CATSPERE: variants seen among roughly 807,000 people sequenced by gnomAD.
The protein encoded by CATSPERE is catsper channel auxiliary subunit epsilon.
CATSPERE carries 93 observed loss-of-function variants against 114.1 expected under a neutral mutation model. The ratio of observed to expected loss-of-function variants is 0.81; its 90% confidence interval spans 0.69 to 0.97. The LOEUF is 0.97. Ranked by LOEUF, CATSPERE falls within the 50% of genes least tolerant of loss-of-function variation. The pLI is 0.00. For synonymous variants in CATSPERE, 341 were observed against 384.1 expected, an observed-to-expected ratio of 0.89 and a Z score of 1.31; for missense variants, 1,058 against 1,131.6, an observed-to-expected ratio of 0.93 and a Z score of 0.93.
intron 17 of CATSPERE, among the ~76,000 whole-genome samples, chr1:244,601,606 T>C (rs1669224415): frequency 6.6e-6 from 1 of 152,144 alleles, no homozygotes; most frequent in African/African-American, 2.4e-5. Flanking sequence ...TGATTAGCCA[T>C]GAGACTGGGC....
At chr1:244,528,848 C>T (rs1679143856) in intron 8 of CATSPERE, among the ~76,000 whole-genome samples, 1 of 150,538 alleles carries the variant, frequency 6.6e-6, no homozygotes, top group Non-Finnish European at 1.5e-5. Flanking sequence ...CAGCCCCTGG[C>T]AACCATCATT....
intron 9 of CATSPERE, among the ~76,000 whole-genome samples, chr1:244,557,552 T>TATATATATAA (rs1661806612): frequency 1.8e-5 from 1 of 55,126 alleles, no homozygotes; most frequent in Non-Finnish European, 3.6e-5. Context: ...TATATATATA[T>TATATATATAA]ATATATATAT....
intron 17 of CATSPERE, among the ~76,000 whole-genome samples, chr1:244,595,890 G>A (rs1431191677): frequency 3.9e-5 from 6 of 152,072 alleles, no homozygotes; most frequent in South Asian, 2.1e-4. Context: ...CCGAGATGGC[G>A]CCACTGCACT....
intron 8 of CATSPERE, among the ~76,000 whole-genome samples, chr1:244,525,736 T>A (rs1047275834): frequency 1.4e-4 from 21 of 152,298 alleles, no homozygotes; most frequent in African/African-American, 4.3e-4. Context: ...CGTAGCAGCA[T>A]TGTTTGCAAT....
At chr1:244,595,366 C>T (rs1668251739) in intron 17 of CATSPERE, among the ~76,000 whole-genome samples, 1 of 152,168 alleles carries the variant, frequency 6.6e-6, no homozygotes, top group African/African-American at 2.4e-5. Context: ...TGCATTTGAG[C>T]TAAGTCACTG....
chr1:244,522,661 C>T (rs1233513446), intron 8 of CATSPERE, among the ~76,000 whole-genome samples: 6 of 152,028 alleles, frequency 3.9e-5, no homozygotes, highest in Non-Finnish European at 5.9e-5. Context: ...ATATCACCAC[C>T]GATCCTACAG....
intron 7 of CATSPERE, among the ~76,000 whole-genome samples, chr1:244,516,668 T>C (rs1423835630): frequency 6.6e-6 from 1 of 150,720 alleles, no homozygotes; most frequent in African/African-American, 2.5e-5. Flanking sequence ...ACTACAGGCG[T>C]GTGCTACCAG....
intron 7 of CATSPERE, among the ~76,000 whole-genome samples, chr1:244,510,429 T>C (rs1460404210): frequency 6.6e-6 from 1 of 152,222 alleles, no homozygotes; most frequent in Non-Finnish European, 1.5e-5. Context: ...ATATTCCTCT[T>C]GTTTTTGACA....
chr1:244,479,874 A>G (rs1216841903), intron 5 of CATSPERE, 90 bp downstream of exon 5: 1 of 624,924 alleles, frequency 1.6e-6, no homozygotes, highest in African/African-American at 1.9e-5. Context: ...TATCTATATT[A>G]CGGTTTCCAT....
At chr1:244,570,394 AC>A (rs887127171) in intron 10 of CATSPERE, among the ~76,000 whole-genome samples, 1 of 151,516 alleles carries the variant, frequency 6.6e-6, no homozygotes, top group Non-Finnish European at 1.5e-5. Context: ...AATTTTATCT[AC>A]TTTCTTTTTA....
chr1:244,569,752 T>C (rs1394901827), intron 10 of CATSPERE, among the ~76,000 whole-genome samples: 1 of 152,214 alleles, frequency 6.6e-6, no homozygotes, highest in African/African-American at 2.4e-5. Context: ...ACCATTCTTC[T>C]ATTAAGCAAA....
intron 1 of CATSPERE, among the ~76,000 whole-genome samples, chr1:244,454,943 C>T (rs1665995800): frequency 6.6e-6 from 1 of 152,068 alleles, no homozygotes; most frequent in Non-Finnish European, 1.5e-5. Flanking sequence ...TGTTTTGTGT[C>T]CTGAAGAGCT....
chr1:244,547,693 A>G (rs1293169550), intron 8 of CATSPERE, among the ~76,000 whole-genome samples: 1 of 152,208 alleles, frequency 6.6e-6, no homozygotes, highest in East Asian at 1.9e-4. Flanking sequence ...GATTCACAAA[A>G]ATAAAAGGGA....
chr1:244,593,264 G>T (rs559241638), intron 15 of CATSPERE, 131 bp from the exon 16 acceptor site: 1 of 830,828 alleles, frequency 1.2e-6, no homozygotes, highest in South Asian at 1.7e-5. Context: ...CATGTAGAAA[G>T]TGCCTCAGTA....
chr1:244,610,431 G>A, intron 19 of CATSPERE, 105 bp downstream of exon 19: 1 of 799,344 alleles, frequency 1.3e-6, no homozygotes, highest in Non-Finnish European at 2.1e-6. Context: ...AATTTGCTTT[G>A]GTAAATCAAA....
chr1:244,473,153 G>A (rs1370511169), intron 2 of CATSPERE, among the ~76,000 whole-genome samples: 2 of 146,846 alleles, frequency 1.4e-5, no homozygotes, highest in East Asian at 3.8e-4. Flanking sequence ...ATATATGGTA[G>A]GAGTATGTTT....
Position 244,572,743 on chromosome 1 carries a change from G to A in CATSPERE, c.1921G>A (p.Ala641Thr), listed in dbSNP as rs1443037284. The A allele has an allele frequency of 3.1e-6, 5 of 1,608,072 alleles. No individual in the cohort carries two copies. The highest frequency in any genetic ancestry group is 4.2e-6 in the Non-Finnish European group (5 of 1,177,750). The change falls in exon 11 of 22, where the codon GCT (alanine) becomes ACT (threonine). Residue 641 changes from alanine (A) to threonine (T), a missense_variant. By Grantham distance (58) the Ala-to-Thr change is moderately conservative. Around this residue, in one of 2 missense-constraint regions of CATSPERE, gnomAD observed 787 missense variants for 905.6 expected, o/e 0.87. Transcript: ENST00000366534. ...AGAGAGTCATGAGATTTCCTTTGAA[G>A]CTGCCTTTGGATACTGCACCAAAAC... Reference protein sequence around the residue: ...LQESHEISFEAAFGYCTKTLT... With the variant: ...LQESHEISFETAFGYCTKTLT...
At chr1:244,505,210 C>T (rs1312591471) in intron 7 of CATSPERE, among the ~76,000 whole-genome samples, 1 of 152,116 alleles carries the variant, frequency 6.6e-6, no homozygotes, top group Non-Finnish European at 1.5e-5. Flanking sequence ...ATAAGATGCT[C>T]CAAGCTAATC....
intron 11 of CATSPERE, among the ~76,000 whole-genome samples, chr1:244,576,953 G>A (rs1416905978): frequency 1.3e-5 from 2 of 151,942 alleles, no homozygotes; most frequent in Non-Finnish European, 2.9e-5. Flanking sequence ...TTTTCATATA[G>A]GACCAAAGCC....
Sources: allele counts gnomAD v4.1 joint callset (sites outside exome capture counted in the v4.1 genomes callset), GRCh38; gene constraint gnomAD v4.1.1; regional missense constraint gnomAD v4.1.1; transcripts MANE v1.5; gene names NCBI Gene and HGNC (gene_info 2026-07-23, HGNC 2026-07-21).